Variants in TMEFF2 observed in about 807,000 individuals in gnomAD.
TMEFF2 encodes transmembrane protein with EGF like and two follistatin like domains 2.
In TMEFF2, 28 loss-of-function variants were observed where a neutral mutation model predicts 53.8. The observed-to-expected ratio is 0.52, with a 90% CI of 0.39 to 0.71. The LOEUF (loss-of-function observed/expected upper bound fraction) is 0.71. Ranked by LOEUF, TMEFF2 falls within the 30% of genes least tolerant of loss-of-function variation. The pLI is 0.00. For synonymous variants in TMEFF2, 162 were observed against 166.3 expected (o/e 0.97, Z 0.20); for missense variants, 353 against 455.2 (o/e 0.78, Z 2.04).
In TMEFF2 at chr2:191,949,057, CAAAG is replaced by C; in HGVS notation, c.*1250_*1253del. The C allele has an allele frequency of 1.0e-6, 1 of 983,920 alleles. No individual in the cohort carries two copies. Among genetic ancestry groups the C allele is most frequent in the Non-Finnish European group, 1.2e-6 (1 of 828,914 alleles). 60.9% of individuals were successfully genotyped at this position (983,920 alleles called of 1,614,324 possible). A position where few individuals can be genotyped will look rare whatever the true frequency, so the allele number is the denominator to read the frequency against. On this transcript the variant is annotated 3_prime_UTR_variant, in exon 10 of 10. Transcript: ENST00000272771. ...CCACGCACAGGTTATTTGAAGGAGA[CAAAG>C]AGAGCTTTATTTAAATTTACTGTGT...
At chr2:191,955,506 G>C (rs761002205) in intron 8 of TMEFF2, among the ~76,000 whole-genome samples, 2 of 110,104 alleles carry the variant, frequency 1.8e-5, no homozygotes, top group South Asian at 6.5e-4. Context: ...GCATGCCACC[G>C]TGCCTGGCTA....
intron 7 of TMEFF2, among the ~76,000 whole-genome samples, chr2:191,964,394 C>CTT (rs777036632): frequency 3.2e-5 from 2 of 62,090 alleles, no homozygotes; most frequent in Non-Finnish European, 6.8e-5. Context: ...TTCTTTCTTT[C>CTT]TTTCTCTTTC....
At chr2:192,174,893 G>T (rs1380857703) in intron 4 of TMEFF2, among the ~76,000 whole-genome samples, 1 of 151,746 alleles carries the variant, frequency 6.6e-6, no homozygotes, top group East Asian at 1.9e-4. Context: ...AAGGTATGCT[G>T]GTTGGAGAGG....
chr2:192,071,534 G>A (rs1688292105), intron 4 of TMEFF2, among the ~76,000 whole-genome samples: 1 of 151,678 alleles, frequency 6.6e-6, no homozygotes, highest in Non-Finnish European at 1.5e-5. Context: ...TACCTGATTG[G>A]TTACCCTAAA....
chr2:192,156,561 A>G (rs1690510705), intron 4 of TMEFF2, among the ~76,000 whole-genome samples: 1 of 152,066 alleles, frequency 6.6e-6, no homozygotes, highest in South Asian at 2.1e-4. Context: ...TTGATTTAAA[A>G]ATTAAGCACA....
intron 4 of TMEFF2, among the ~76,000 whole-genome samples, chr2:192,112,765 G>T (rs933733192): frequency 6.6e-6 from 1 of 152,112 alleles, no homozygotes; most frequent in Non-Finnish European, 1.5e-5. Context: ...CTTGGTGGGA[G>T]ATAATTAAAT....
At chr2:191,978,198 G>T (rs1685776223) in intron 7 of TMEFF2, among the ~76,000 whole-genome samples, 1 of 152,092 alleles carries the variant, frequency 6.6e-6, no homozygotes, top group Non-Finnish European at 1.5e-5. Context: ...TAGCCAGTAT[G>T]CATCTTGCTA....
intron 7 of TMEFF2, among the ~76,000 whole-genome samples, chr2:191,995,087 C>A (rs1268928388): frequency 6.6e-6 from 1 of 151,976 alleles, no homozygotes; most frequent in African/African-American, 2.4e-5. Flanking sequence ...TAGTATACTG[C>A]ACATATTAGT....
At chr2:192,012,446 T>G (rs1451486137) in intron 5 of TMEFF2, among the ~76,000 whole-genome samples, 1 of 152,286 alleles carries the variant, frequency 6.6e-6, no homozygotes, top group East Asian at 1.9e-4. Flanking sequence ...CATGCTTAGA[T>G]AGATTATCAT....
chr2:192,000,133 T>G (rs907082606), intron 5 of TMEFF2, among the ~76,000 whole-genome samples: 1 of 152,146 alleles, frequency 6.6e-6, no homozygotes, highest in African/African-American at 2.4e-5. Flanking sequence ...GTGTCTTGTG[T>G]GTTTTCTGGT....
chr2:192,134,212 C>T (rs1191474221), intron 4 of TMEFF2, among the ~76,000 whole-genome samples: 1 of 152,158 alleles, frequency 6.6e-6, no homozygotes, highest in Non-Finnish European at 1.5e-5. Flanking sequence ...TTCAGCTGTA[C>T]TCACTCTTCG....
At chr2:192,022,651 A>G (rs1046592065) in intron 5 of TMEFF2, among the ~76,000 whole-genome samples, 3 of 152,110 alleles carry the variant, frequency 2.0e-5, no homozygotes, top group Non-Finnish European at 4.4e-5. Flanking sequence ...ATCTTATTTT[A>G]TGATATATCT....
chr2:192,057,177 G>GGGACTACA (rs992453284), intron 5 of TMEFF2, among the ~76,000 whole-genome samples: 7 of 151,922 alleles, frequency 4.6e-5, no homozygotes, highest in African/African-American at 1.7e-4. Context: ...CTGAGTACCT[G>GGGACTACA]GGACTACAGG....
intron 4 of TMEFF2, among the ~76,000 whole-genome samples, chr2:192,075,298 T>A (rs1390707462): frequency 2.9e-4 from 11 of 37,722 alleles, no homozygotes; most frequent in East Asian, 2.8e-3. Context: ...TATATATATA[T>A]ATATATATAT....
intron 4 of TMEFF2, among the ~76,000 whole-genome samples, chr2:192,137,801 C>A (rs1690046225): frequency 1.4e-5 from 2 of 148,136 alleles, no homozygotes. Flanking sequence ...GTAATATATA[C>A]AAATATATAT....
chr2:192,194,676 C>A lies in TMEFF2; in HGVS notation c.-152G>T, dbSNP rs1691563507. On this transcript the variant is annotated 5_prime_UTR_variant, in exon 1 of 10. Coordinates refer to ENST00000272771, the MANE Select transcript of TMEFF2 (RefSeq NM_016192.4). This position sits in a 1 kb window ranked among gnomAD's most constrained non-coding sequence, Gnocchi z 4.2. ...CCCGGCGGGGAAGCAGCAGCCAAAC[C>A]CGCGCATGATCTCGAGAGTTTCAGC... 3 of 759,594 alleles carry A rather than the reference C, an allele frequency of 3.9e-6. No homozygotes were observed. The highest frequency in any genetic ancestry group is 2.4e-5 in the Admixed American group (1 of 41,786). The allele number at this position is 759,594 out of a possible 1,614,324, so 47.1% of individuals were successfully genotyped here.
At chr2:192,110,312 T>C (rs1288246856) in intron 4 of TMEFF2, among the ~76,000 whole-genome samples, 1 of 152,122 alleles carries the variant, frequency 6.6e-6, no homozygotes, top group Non-Finnish European at 1.5e-5. Context: ...TGTGGTAAGA[T>C]GGGGTAGGAA....
At chr2:191,996,023 GA>G (rs34269941) in intron 7 of TMEFF2, among the ~76,000 whole-genome samples, 1 of 149,640 alleles carries the variant, frequency 6.7e-6, no homozygotes, top group African/African-American at 2.4e-5. Flanking sequence ...AGTAAGATAG[GA>G]AAAAAAAATG....
At chr2:191,990,401 C>G (rs1686074287) in intron 7 of TMEFF2, among the ~76,000 whole-genome samples, 1 of 77,186 alleles carries the variant, frequency 1.3e-5, no homozygotes, top group African/African-American at 4.5e-5. Flanking sequence ...AGCAGCAAAT[C>G]AAAGTGCTCA....
Sources: gnomAD v4.1 joint callset for allele counts (sites outside exome capture counted in the v4.1 genomes callset) on GRCh38, gnomAD v4.1.1 for gene constraint, Gnocchi (gnomAD v3.1) non-coding constraint, MANE v1.5 for transcripts, NCBI Gene and HGNC (gene_info 2026-07-23, HGNC 2026-07-21) for gene names.